DNAJC5B: variants seen among roughly 807,000 people sequenced by gnomAD.
DNAJC5B encodes DnaJ heat shock protein family (Hsp40) member C5 beta, also known as dnaJ homolog subfamily C member 5B.
DNAJC5B carries 23 observed loss-of-function variants against 24.7 expected under a neutral mutation model. That is an observed-to-expected ratio of 0.93 (90% CI 0.67 to 1.32). The LOEUF is 1.32. DNAJC5B is among the 40% of genes most tolerant of loss of function. The pLI is 0.00. For missense variants in DNAJC5B, 238 were observed against 240.8 expected (o/e 0.99, Z 0.08); for synonymous variants, 101 against 90.1 (o/e 1.12, Z -0.68).
intron 3 of DNAJC5B, among the ~76,000 whole-genome samples, chr8:66,072,326 G>A (rs1290907567): frequency 1.3e-5 from 2 of 152,274 alleles, no homozygotes; most frequent in East Asian, 3.9e-4. Context: ...TACATTCATA[G>A]TGGAAAGTTT....
At chr8:66,026,137 AC>A (rs1339373227) in intron 1 of DNAJC5B, among the ~76,000 whole-genome samples, 1 of 139,544 alleles carries the variant, frequency 7.2e-6, no homozygotes, top group Non-Finnish European at 1.5e-5. Flanking sequence ...GAGGTCCTTC[AC>A]ATCCCTTATA....
chr8:66,037,730 G>A (rs1047411349), intron 1 of DNAJC5B, among the ~76,000 whole-genome samples: 3 of 152,258 alleles, frequency 2.0e-5, no homozygotes, highest in Non-Finnish European at 4.4e-5. Flanking sequence ...TCGATCTGCA[G>A]GAAAGCAGAC....
In DNAJC5B at chr8:66,033,976, T is replaced by C. The variant is rs901223123; in HGVS notation, c.-141-9512T>C. Among the ~76,000 whole-genome samples the C allele has an allele frequency of 2.6e-5, 4 of 152,092 alleles. No individual in the cohort carries two copies. In the South Asian group the frequency reaches 6.2e-4, roughly 24 times the overall value. ...AACGCTTGACCTGGGATGCTCAGAA[T>C]TGGGAGACCCATGTTCCTACCCTTG... On this transcript the variant is annotated intron_variant, in intron 1 of 5. Coordinates refer to ENST00000276570, the MANE Select transcript of DNAJC5B (RefSeq NM_033105.6).
At chr8:66,084,324 A>G (rs1387487141) in intron 5 of DNAJC5B, among the ~76,000 whole-genome samples, 2 of 152,192 alleles carry the variant, frequency 1.3e-5, no homozygotes, top group East Asian at 1.9e-4. Context: ...GACTCAAGAC[A>G]AAGAATAAAC....
chr8:66,044,071 C>A (rs978162171), intron 2 of DNAJC5B, among the ~76,000 whole-genome samples: 7 of 152,278 alleles, frequency 4.6e-5, no homozygotes, highest in African/African-American at 1.7e-4. Flanking sequence ...GATCTACCCG[C>A]ATTGGCCTCC....
chr8:66,064,768 T>A (rs754343959), intron 3 of DNAJC5B, among the ~76,000 whole-genome samples: 63 of 152,318 alleles, frequency 4.1e-4, no homozygotes, highest in Admixed American at 4.6e-4. Flanking sequence ...AAGCTGTCAG[T>A]GACCCACTGG....
chr8:66,030,388 T>C (rs1215384888), intron 1 of DNAJC5B, among the ~76,000 whole-genome samples: 1 of 152,210 alleles, frequency 6.6e-6, no homozygotes, highest in Non-Finnish European at 1.5e-5. Context: ...TATTCCTACC[T>C]AGAACCTTAA....
At chr8:66,069,870 T>C (rs1373947677) in intron 3 of DNAJC5B, among the ~76,000 whole-genome samples, 2 of 152,174 alleles carry the variant, frequency 1.3e-5, no homozygotes, top group African/African-American at 4.8e-5. Context: ...CACGAACAAG[T>C]TGGCTTCATC....
At chr8:66,085,797 T>G (rs75562164) in intron 5 of DNAJC5B, among the ~76,000 whole-genome samples, 6,238 of 152,168 alleles carry the variant, frequency 0.041, 444 homozygotes, top group African/African-American at 0.14. Flanking sequence ...CTTTTCCATA[T>G]AAATTTTAGA....
At chr8:66,064,940 C>A (rs774073327) in intron 3 of DNAJC5B, among the ~76,000 whole-genome samples, 4 of 152,046 alleles carry the variant, frequency 2.6e-5, no homozygotes, top group Non-Finnish European at 5.9e-5. Context: ...ACTGTAGTGA[C>A]CAGAAAGCTA....
At chr8:66,060,811 A>G (rs1016805003) in intron 3 of DNAJC5B, among the ~76,000 whole-genome samples, 1 of 152,238 alleles carries the variant, frequency 6.6e-6, no homozygotes, top group Non-Finnish European at 1.5e-5. Context: ...CTGGTTCATT[A>G]TTCAACGAAT....
upstream of DNAJC5B, among the ~76,000 whole-genome samples, chr8:66,018,703 G>A (rs1480236375): frequency 1.3e-5 from 2 of 151,354 alleles, no homozygotes; most frequent in Non-Finnish European, 2.9e-5. Flanking sequence ...GTGAGATTTG[G>A]AGGCAGTAAA....
At chr8:66,097,586 T>G (rs1807981880) in intron 5 of DNAJC5B, among the ~76,000 whole-genome samples, 1 of 152,100 alleles carries the variant, frequency 6.6e-6, no homozygotes, top group South Asian at 2.1e-4. Flanking sequence ...TTTCATCTGA[T>G]AACTGTTTCT....
intron 1 of DNAJC5B, among the ~76,000 whole-genome samples, chr8:66,030,230 T>A (rs1806330607): frequency 6.6e-6 from 1 of 152,220 alleles, no homozygotes; most frequent in Non-Finnish European, 1.5e-5. Context: ...GGCTATTTAA[T>A]GTCTGGTAGC....
At chr8:66,016,398 G>A in the DNAJC5B span, among the ~76,000 whole-genome samples, 3 of 152,120 alleles carry the variant, frequency 2.0e-5, no homozygotes, top group Non-Finnish European at 2.9e-5. Context: ...TTTTATAAGC[G>A]TCCGGCATTT....
chr8:66,073,367 C>T (rs746503661), intron 3 of DNAJC5B, among the ~76,000 whole-genome samples: 1 of 151,830 alleles, frequency 6.6e-6, no homozygotes, highest in East Asian at 1.9e-4. Flanking sequence ...CTTTAAAATT[C>T]GTTAAAAAGA....
upstream of DNAJC5B, among the ~76,000 whole-genome samples, chr8:66,018,289 C>T (rs930390314): frequency 6.6e-5 from 10 of 151,884 alleles, no homozygotes; most frequent in Admixed American, 4.6e-4. Flanking sequence ...GAGGCCGAGG[C>T]GGGTGGATCA....
intron 3 of DNAJC5B, 114 bp from the exon 4 acceptor site, chr8:66,076,545 AT>A: frequency 1.8e-6 from 2 of 1,110,206 alleles, no homozygotes; most frequent in South Asian, 2.8e-5. Flanking sequence ...GAAACTCACC[AT>A]TTCACAGTAT....
At chr8:66,057,279 A>G (rs1806986916) in intron 3 of DNAJC5B, 2 of 152,214 alleles carry the variant, frequency 1.3e-5, no homozygotes, top group African/African-American at 4.8e-5. Flanking sequence ...AAACTATAGA[A>G]CCAAAAAATA....
Sources: allele counts gnomAD v4.1 joint callset (sites outside exome capture counted in the v4.1 genomes callset), GRCh38; gene constraint gnomAD v4.1.1; transcripts MANE v1.5; gene names NCBI Gene and HGNC (gene_info 2026-07-23, HGNC 2026-07-21).